Variants in PPARGC1A observed in about 807,000 individuals in gnomAD.
The protein encoded by PPARGC1A is peroxisome proliferator-activated receptor gamma coactivator 1-alpha.
Under a neutral mutation model 88.7 loss-of-function variants are expected in PPARGC1A, and 25 were observed. The observed-to-expected ratio is 0.28, with a 90% CI of 0.21 to 0.39. The LOEUF is 0.39. Ranked by LOEUF, PPARGC1A falls within the 10% of genes least tolerant of loss-of-function variation. The probability of loss-of-function intolerance (pLI) is 1.00; values close to 1 mark genes in which losing one functional copy is unlikely to be tolerated. For synonymous variants in PPARGC1A, 363 were observed against 355.6 expected (o/e 1.02, Z -0.24); for missense variants, 880 against 968.7 (o/e 0.91, Z 1.22).
At chr4:23,952,502 C>T in the PPARGC1A span, among the ~76,000 whole-genome samples, 6 of 152,060 alleles carry the variant, frequency 3.9e-5, no homozygotes, top group African/African-American at 1.2e-4. Flanking sequence ...AACTTTACCC[C>T]CTACTGGACA....
chr4:24,012,093 T>C, the PPARGC1A span, among the ~76,000 whole-genome samples: 1 of 152,162 alleles, frequency 6.6e-6, no homozygotes, highest in African/African-American at 2.4e-5. Flanking sequence ...TAATATTCAC[T>C]TAGAAACTAG....
At chr4:23,991,472 C>T in the PPARGC1A span, among the ~76,000 whole-genome samples, 1 of 151,942 alleles carries the variant, frequency 6.6e-6, no homozygotes, top group Non-Finnish European at 1.5e-5. Flanking sequence ...CCTGGGGGCT[C>T]CTCCACTCTG....
At chr4:24,336,413 C>A in the PPARGC1A span, among the ~76,000 whole-genome samples, 2 of 152,144 alleles carry the variant, frequency 1.3e-5, no homozygotes, top group Admixed American at 1.3e-4. Context: ...TTTTTCACGG[C>A]TTTTTCTTAC....
the PPARGC1A span, among the ~76,000 whole-genome samples, chr4:24,088,676 T>C: frequency 6.6e-6 from 1 of 152,214 alleles, no homozygotes; most frequent in East Asian, 1.9e-4. Flanking sequence ...AAAAATAAAC[T>C]ATTAAAAAAC....
chr4:24,136,015 C>T, the PPARGC1A span, among the ~76,000 whole-genome samples: 20 of 152,250 alleles, frequency 1.3e-4, no homozygotes, highest in East Asian at 1.9e-4. Flanking sequence ...TCCTCCCTGA[C>T]GCTATTTCTG....
chr4:24,211,385 C>A, the PPARGC1A span, among the ~76,000 whole-genome samples: 1 of 152,134 alleles, frequency 6.6e-6, no homozygotes, highest in South Asian at 2.1e-4. Flanking sequence ...AGAAAGGAAG[C>A]TGAATGTCAC....
At chr4:24,472,034 T>A in the PPARGC1A span, among the ~76,000 whole-genome samples, 2 of 151,890 alleles carry the variant, frequency 1.3e-5, no homozygotes, top group Admixed American at 6.5e-5. This position sits in a 1 kb window ranked among gnomAD's most constrained non-coding sequence, Gnocchi z 4.5. Flanking sequence ...TTGGGGAAGG[T>A]TGCGCTCGAG....
At chr4:24,117,738 C>T in the PPARGC1A span, among the ~76,000 whole-genome samples, 57 of 151,952 alleles carry the variant, frequency 3.8e-4, no homozygotes, top group Middle Eastern at 3.4e-3. Flanking sequence ...TGGAAAAGTC[C>T]TTTACAGAAA....
the PPARGC1A span, among the ~76,000 whole-genome samples, chr4:24,216,512 T>C: frequency 6.6e-6 from 1 of 152,180 alleles, no homozygotes; most frequent in Non-Finnish European, 1.5e-5. Context: ...AATCGGCTCT[T>C]CTTCAGGAGG....
chr4:23,802,758 G>A (rs1377248696), intron 10 of PPARGC1A, among the ~76,000 whole-genome samples: 2 of 149,286 alleles, frequency 1.3e-5, no homozygotes, highest in Non-Finnish European at 3.0e-5. Flanking sequence ...ACCCCACTGA[G>A]CATGGCAATT....
chr4:23,991,733 G>C, the PPARGC1A span, among the ~76,000 whole-genome samples: 4 of 151,818 alleles, frequency 2.6e-5, no homozygotes, highest in Non-Finnish European at 4.4e-5. Flanking sequence ...CTAACAAGAG[G>C]CATGGCAGAA....
the PPARGC1A span, among the ~76,000 whole-genome samples, chr4:24,355,929 G>A: frequency 7.9e-5 from 12 of 152,150 alleles, no homozygotes; most frequent in African/African-American, 2.9e-4. Flanking sequence ...GGGCACGATG[G>A]CTCATGCCTG....
chr4:24,161,867 C>CA, the PPARGC1A span, among the ~76,000 whole-genome samples: 3 of 151,836 alleles, frequency 2.0e-5, no homozygotes, highest in Non-Finnish European at 4.4e-5. Flanking sequence ...AAAGTAATGG[C>CA]ACACACATGT....
chr4:24,040,320 CTCA>C, the PPARGC1A span, among the ~76,000 whole-genome samples: 1 of 152,180 alleles, frequency 6.6e-6, no homozygotes, highest in East Asian at 1.9e-4. Context: ...AATGATTTTT[CTCA>C]TCACTGACCT....
At chr4:24,400,346 G>T in the PPARGC1A span, among the ~76,000 whole-genome samples, 1 of 152,118 alleles carries the variant, frequency 6.6e-6, no homozygotes, top group Admixed American at 6.5e-5. Flanking sequence ...AATGTGAAAA[G>T]GAGAGAGATG....
chr4:24,134,239 A>G, the PPARGC1A span, among the ~76,000 whole-genome samples: 2 of 152,262 alleles, frequency 1.3e-5, no homozygotes, highest in African/African-American at 4.8e-5. Flanking sequence ...TAAGGGAAAT[A>G]CAAATTTTGA....
the PPARGC1A span, among the ~76,000 whole-genome samples, chr4:24,000,666 C>T: frequency 6.6e-6 from 1 of 152,024 alleles, no homozygotes. Flanking sequence ...TTTTTTCTTA[C>T]GTGACAGGAC....
the PPARGC1A span, among the ~76,000 whole-genome samples, chr4:24,039,904 AT>A: frequency 6.6e-6 from 1 of 152,114 alleles, no homozygotes; most frequent in Non-Finnish European, 1.5e-5. Context: ...GTCCAGTGTC[AT>A]TTCACTGTAT....
At chr4:24,360,107 C>A in the PPARGC1A span, among the ~76,000 whole-genome samples, 1 of 152,008 alleles carries the variant, frequency 6.6e-6, no homozygotes, top group South Asian at 2.1e-4. Context: ...CAGAATCTCA[C>A]AACTTCTCAC....
Sources: allele counts gnomAD v4.1 joint callset (sites outside exome capture counted in the v4.1 genomes callset), GRCh38; gene constraint gnomAD v4.1.1; non-coding constraint Gnocchi (gnomAD v3.1); transcripts MANE v1.5; gene names NCBI Gene and HGNC (gene_info 2026-07-23, HGNC 2026-07-21).